The following ARHGAP22 variants were observed in gnomAD, a reference collection of about 807,000 sequenced individuals.
ARHGAP22 encodes Rho GTPase activating protein 22, also known as rho GTPase-activating protein 22.
Under a neutral mutation model 59.1 loss-of-function variants are expected in ARHGAP22, and 48 were observed. That is an observed-to-expected ratio of 0.81 (90% CI 0.64 to 1.03). The LOEUF is 1.03. ARHGAP22 is among the 50% of genes least tolerant of loss of function. ARHGAP22 has a pLI of 0.00. For missense variants in ARHGAP22, 1,015 were observed against 958.7 expected (o/e 1.06, Z -0.78); for synonymous variants, 445 against 416.4 (o/e 1.07, Z -0.84).
chr10:48,581,876 C>G (rs2059141589), intron 2 of ARHGAP22, among the ~76,000 whole-genome samples: 1 of 152,214 alleles, frequency 6.6e-6, no homozygotes, highest in Non-Finnish European at 1.5e-5. Flanking sequence ...TCATGAGCAG[C>G]CAGTTCCTGT....
intron 4 of ARHGAP22, among the ~76,000 whole-genome samples, chr10:48,468,601 G>A (rs753641974): frequency 6.6e-6 from 1 of 152,176 alleles, no homozygotes; most frequent in Non-Finnish European, 1.5e-5. Flanking sequence ...AGATAATCAC[G>A]TTGTGTTGTT....
intron 3 of ARHGAP22, among the ~76,000 whole-genome samples, chr10:48,492,348 T>C (rs1352306952): frequency 6.6e-6 from 1 of 152,206 alleles, no homozygotes; most frequent in Non-Finnish European, 1.5e-5. Context: ...CTCTCCTGGC[T>C]GCCTAGAGCA....
At chr10:48,476,105 G>A (rs1302803943) in intron 4 of ARHGAP22, among the ~76,000 whole-genome samples, 3 of 152,114 alleles carry the variant, frequency 2.0e-5, no homozygotes, top group Non-Finnish European at 2.9e-5. Flanking sequence ...CTGGTCACCC[G>A]CCTCCTCTAC....
At chr10:48,531,866 C>T (rs1430552500) in intron 3 of ARHGAP22, among the ~76,000 whole-genome samples, 1 of 152,170 alleles carries the variant, frequency 6.6e-6, no homozygotes, top group Non-Finnish European at 1.5e-5. Context: ...GACAAAGGCA[C>T]ACATAACTGT....
the ARHGAP22 span, among the ~76,000 whole-genome samples, chr10:48,433,545 CCT>C: frequency 6.6e-5 from 10 of 152,056 alleles, no homozygotes; most frequent in Non-Finnish European, 1.3e-4. Flanking sequence ...ACCTCTTTTA[CCT>C]CTCATCTCTC....
intron 3 of ARHGAP22, among the ~76,000 whole-genome samples, chr10:48,504,412 C>T (rs11101346): frequency 0.11 from 17,365 of 152,148 alleles, 1,309 homozygotes; most frequent in Non-Finnish European, 0.17. Flanking sequence ...GAGACAAGGC[C>T]CCCGCTCTCC....
intron 6 of ARHGAP22, 115 bp downstream of exon 6, chr10:48,454,887 T>A: frequency 4.0e-6 from 4 of 993,182 alleles, no homozygotes; most frequent in East Asian, 6.1e-5. Context: ...ACAGCAGGCC[T>A]CCACAGGATC....
chr10:48,447,699 C>T (rs1017682381), intron 9 of ARHGAP22, among the ~76,000 whole-genome samples: 2 of 152,132 alleles, frequency 1.3e-5, no homozygotes, highest in East Asian at 1.9e-4. Flanking sequence ...CCCAACTACA[C>T]GCTGATGACC....
intron 4 of ARHGAP22, among the ~76,000 whole-genome samples, chr10:48,476,896 C>T (rs2048806635): frequency 6.6e-6 from 1 of 152,238 alleles, no homozygotes; most frequent in Admixed American, 6.5e-5. Context: ...GAACATCCAC[C>T]TCCACTTCTC....
rs138486403 is a variant in ARHGAP22, at chr10:48,459,849, C to A, written c.494G>T (p.Arg165Leu). ...GGGCGCCAGGCGGGGGCCATACTTC[C>A]GCTCGTGGTGGACTGTTTCCTCTAG... ...QRLEETVHHE[R>L]KYGPRLAPLL... The change falls in exon 5 of 10, where the codon CGG (arginine) becomes CTG (leucine). Residue 165 changes from arginine to leucine, a missense_variant. Physicochemically the swap from Arg to Leu is moderately radical, Grantham distance 102. Transcript: ENST00000249601. 3.7e-6 allele frequency: 6 copies of A among 1,613,282 alleles called. 1 individual carries two copies. The highest frequency in any genetic ancestry group is 5.1e-6 in the Non-Finnish European group (6 of 1,180,034).
chr10:48,497,549 G>A (rs183872266), intron 3 of ARHGAP22, among the ~76,000 whole-genome samples: 170 of 152,342 alleles, frequency 1.1e-3, no homozygotes, highest in Admixed American at 2.1e-3. Flanking sequence ...GTAAGGGGTC[G>A]GCTGTTTGAG....
chr10:48,500,715 A>G (rs1410861750), intron 3 of ARHGAP22, among the ~76,000 whole-genome samples: 1 of 151,580 alleles, frequency 6.6e-6, no homozygotes, highest in Admixed American at 6.6e-5. Context: ...TGGTGAAAAA[A>G]CCCCGTCTCT....
chr10:48,605,108 G>A, upstream of ARHGAP22: 1 of 1,269,652 alleles, frequency 7.9e-7, no homozygotes. Flanking sequence ...GCCTGGCCTG[G>A]GCGCACGCGT....
chr10:48,440,980 C>G, the ARHGAP22 span, among the ~76,000 whole-genome samples: 1 of 152,180 alleles, frequency 6.6e-6, no homozygotes, highest in African/African-American at 2.4e-5. Context: ...GGGCAGCACA[C>G]AAGAGATGGT....
chr10:48,642,866 T>G lies in ARHGAP22; in HGVS notation c.52+9368A>C, dbSNP rs569477299. 2.0e-5 allele frequency among the ~76,000 whole-genome samples: 3 copies of G among 151,948 alleles called. No individual in the cohort carries two copies. The South Asian group carries it at 6.3e-4, about 32-fold the overall frequency. On this transcript the variant is annotated intron_variant, in intron 1 of 9. Coordinates refer to the ARHGAP22 transcript ENST00000435790. The stretch of plus-strand genomic sequence containing the variant: ...TGACAAAGGGCTAATATCCAGAATC[T>G]ACAAAGAACTCAAACAAACTTACAA...
the ARHGAP22 span, chr10:48,435,059 T>TGCCTG: frequency 2.2e-6 from 1 of 448,006 alleles, no homozygotes; most frequent in Non-Finnish European, 4.3e-6. Flanking sequence ...GTGGGAGGGA[T>TGCCTG]GGGGAGTCGG....
upstream of ARHGAP22, among the ~76,000 whole-genome samples, chr10:48,609,823 GC>G (rs539085281): frequency 6.6e-5 from 10 of 152,132 alleles, no homozygotes; most frequent in South Asian, 2.1e-4. Context: ...AGTTTTTCCT[GC>G]CCCCTCACCC....
chr10:48,522,360 C>T (rs1051627808), intron 3 of ARHGAP22, among the ~76,000 whole-genome samples: 8 of 152,238 alleles, frequency 5.3e-5, no homozygotes, highest in African/African-American at 1.4e-4. Flanking sequence ...CCAGACCAGG[C>T]TTTTTCCTTA....
Position 48,640,264 on chromosome 10 carries a change from C to A in ARHGAP22, c.52+11970G>T, listed in dbSNP as rs906056573. Among the ~76,000 whole-genome samples the A allele has an allele frequency of 2.6e-5, 4 of 152,170 alleles. No individual in the cohort carries two copies. In the East Asian group the frequency reaches 5.8e-4, roughly 22 times the overall value. On this transcript the variant is annotated intron_variant, in intron 1 of 9. Coordinates refer to the ARHGAP22 transcript ENST00000435790. ...AAAGCATGCCAACATATGTGTAATG[C>A]AAGTCCCAGACAGGAGGAGACAAAA...
Sources: allele counts gnomAD v4.1 joint callset (sites outside exome capture counted in the v4.1 genomes callset), GRCh38; gene constraint gnomAD v4.1.1; transcripts MANE v1.5; gene names NCBI Gene and HGNC (gene_info 2026-07-23, HGNC 2026-07-21).